KLHDC4: variants seen among roughly 807,000 people sequenced by gnomAD.
The protein encoded by KLHDC4 is kelch domain-containing protein 4.
In KLHDC4, 90 loss-of-function variants were observed where a neutral mutation model predicts 62.4. That is an observed-to-expected ratio of 1.44 (90% CI 1.22 to 1.72). KLHDC4 has a LOEUF of 1.72. Ranked by LOEUF, KLHDC4 falls within the 40% of genes most tolerant of loss-of-function variation. The probability of loss-of-function intolerance (pLI) is 0.00; values close to 1 mark genes in which losing one functional copy is unlikely to be tolerated. For synonymous variants in KLHDC4, 386 were observed against 284.4 expected (o/e 1.36, Z -3.59); for missense variants, 1,025 against 699.7 (o/e 1.47, Z -5.25).
At chr16:87,702,469 G>A (rs932441765) in exon 1 of KLHDC4, 1 of 362,740 alleles carries the variant, frequency 2.8e-6, no homozygotes, top group African/African-American at 2.1e-5. Context: ...GTCCCCAAAT[G>A]TAGCCACATC....
At chr16:87,700,767 TTGGAGGG>T (rs1014090866) in exon 1 of KLHDC4, 2 of 140,266 alleles carry the variant, frequency 1.4e-5, no homozygotes, top group African/African-American at 8.9e-5. Context: ...AGGGAGGAGA[TTGGAGGG>T]CGGAGGGAGG....
rs2046608070 is a variant in KLHDC4, at chr16:87,765,977, C to T, written c.-87G>A. Reference sequence around the variant, plus strand: ...GGAAACAGGTGCTCGTGGGGCGGAGCTCGGCGCACAGAAATGGAGTCACTT... The same window carrying T: ...GGAAACAGGTGCTCGTGGGGCGGAGTTCGGCGCACAGAAATGGAGTCACTT... On this transcript the variant is annotated 5_prime_UTR_variant, in exon 1 of 12. Transcript: ENST00000270583. 12 of 1,339,730 alleles carry T rather than the reference C, an allele frequency of 9.0e-6. No homozygotes were observed. The highest frequency in any genetic ancestry group is 1.2e-5 in the Non-Finnish European group (12 of 966,004). 83.0% of individuals were successfully genotyped at this position (1,339,730 alleles called of 1,614,324 possible). A position where few individuals can be genotyped will look rare whatever the true frequency, so the allele number is the denominator to read the frequency against.
intron 10 of KLHDC4, 108 bp downstream of exon 10, chr16:87,709,157 C>A: frequency 7.2e-7 from 1 of 1,382,814 alleles, no homozygotes; most frequent in African/African-American, 1.4e-5. Flanking sequence ...CGAGAAGTGT[C>A]GGCACAGGCC....
In KLHDC4 at chr16:87,755,273, A is replaced by G. The variant is rs2044688334; in HGVS notation, c.290T>C (p.Leu97Pro). The change falls in exon 4 of 12, where the codon CTC (leucine) becomes CCC (proline). Residue 97 changes from leucine to proline, a missense_variant. Leu to Pro is a moderately conservative substitution (Grantham distance 98, BLOSUM62 -3). Coordinates refer to ENST00000270583, the MANE Select transcript of KLHDC4 (RefSeq NM_017566.4). Reference protein sequence around the residue: ...NGQKTFLYNELYVYNTRKDTW... With the variant: ...NGQKTFLYNEPYVYNTRKDTW... ...GTCCTTTCTGGTATTGTAGACATAG[A>G]GCTCGTTATACAAAAAAGTCTACAG... is the stretch of plus-strand genomic sequence containing the variant. 2 of 1,601,766 alleles carry G rather than the reference A, an allele frequency of 1.2e-6. No individual in the cohort carries two copies. Among genetic ancestry groups the G allele is most frequent in the Non-Finnish European group, 1.7e-6 (2 of 1,169,282 alleles).
chr16:87,727,349 G>A (rs1298721073), intron 6 of KLHDC4, among the ~76,000 whole-genome samples: 1 of 152,202 alleles, frequency 6.6e-6, no homozygotes, highest in African/African-American at 2.4e-5. Context: ...ATTCCATTAG[G>A]TTATTAGGTG....
At chr16:87,707,647 C>T (rs568278906), downstream of KLHDC4, among the ~76,000 whole-genome samples, 7 of 152,218 alleles carry the variant, frequency 4.6e-5, no homozygotes, top group South Asian at 2.1e-4. Context: ...CAGCATATTC[C>T]GGGGTTTCGG....
At chr16:87,701,522 G>A (rs1161536982) in exon 1 of KLHDC4, 4 of 365,638 alleles carry the variant, frequency 1.1e-5, no homozygotes, top group Non-Finnish European at 2.2e-5. Context: ...GCCCCGTGAC[G>A]GGCACAGGCC....
chr16:87,730,074 C>T (rs2040072505), intron 6 of KLHDC4, among the ~76,000 whole-genome samples: 1 of 152,228 alleles, frequency 6.6e-6, no homozygotes, highest in Admixed American at 6.5e-5. Flanking sequence ...CTGCCTCAGC[C>T]TCCTGAGTAG....
chr16:87,749,294 A>G (rs2043527415), intron 4 of KLHDC4, among the ~76,000 whole-genome samples: 1 of 152,070 alleles, frequency 6.6e-6, no homozygotes, highest in African/African-American at 2.4e-5. Flanking sequence ...GGTGGCTCAC[A>G]CCTGTAATCC....
At chr16:87,743,528 C>T (rs2143017214) in intron 5 of KLHDC4, among the ~76,000 whole-genome samples, 1 of 151,914 alleles carries the variant, frequency 6.6e-6, no homozygotes, top group African/African-American at 2.4e-5. Flanking sequence ...TCATGAGGGT[C>T]AGGAGATCGA....
chr16:87,714,828 G>C (rs1001717438), intron 7 of KLHDC4, among the ~76,000 whole-genome samples: 5 of 152,276 alleles, frequency 3.3e-5, no homozygotes, highest in African/African-American at 1.2e-4. Flanking sequence ...GTTCCTGTCG[G>C]GGCACGCACA....
At chr16:87,759,789 T>C (rs1397829103) in intron 2 of KLHDC4, among the ~76,000 whole-genome samples, 2 of 152,136 alleles carry the variant, frequency 1.3e-5, no homozygotes, top group Non-Finnish European at 2.9e-5. Context: ...CCCTGAATCT[T>C]TTCTCACTGA....
chr16:87,765,783 C>T lies in KLHDC4; in HGVS notation c.99+9G>A, dbSNP rs79432318. ...CGTCGGGCCGCTAAGCCCGGTCTGA[C>T]CCGCTCACCTCCTCCTTCCGCGAGC... is the stretch of plus-strand genomic sequence containing the variant. On this transcript the variant is annotated intron_variant, in intron 1 of 11. Transcript: ENST00000270583. The T allele has an allele frequency of 0.032, 50,044 of 1,569,456 alleles. 975 individuals carry two copies. Among genetic ancestry groups the T allele is most frequent in the Non-Finnish European group, 0.038 (44,161 of 1,157,242 alleles).
At chr16:87,754,889 C>G (rs536765963) in intron 4 of KLHDC4, among the ~76,000 whole-genome samples, 31 of 152,300 alleles carry the variant, frequency 2.0e-4, no homozygotes, top group Non-Finnish European at 3.8e-4. Flanking sequence ...ACCATCTAGT[C>G]CAGACCGTGG....
chr16:87,698,448 GAC>G (rs1288104666), exon 1 of KLHDC4: 1 of 152,268 alleles, frequency 6.6e-6, no homozygotes, highest in Non-Finnish European at 1.5e-5. Flanking sequence ...GTAACTGCAT[GAC>G]ACAAAACGGT....
chr16:87,740,312 C>T (rs12448121), intron 5 of KLHDC4, among the ~76,000 whole-genome samples: 32,974 of 152,054 alleles, frequency 0.22, 3,630 homozygotes, highest in Middle Eastern at 0.33. Context: ...AGGGGACCAC[C>T]GGCTCCGCTC....
At chr16:87,728,464 G>C (rs1335230631) in intron 6 of KLHDC4, among the ~76,000 whole-genome samples, 2 of 151,410 alleles carry the variant, frequency 1.3e-5, no homozygotes, top group South Asian at 2.1e-4. Flanking sequence ...GTTGGTATTT[G>C]AATAATTTTA....
intron 7 of KLHDC4, among the ~76,000 whole-genome samples, chr16:87,722,263 C>A (rs1178450275): frequency 6.6e-6 from 1 of 152,304 alleles, no homozygotes; most frequent in Non-Finnish European, 1.5e-5. Context: ...GCCGGTTCTT[C>A]GTGGCAGCGC....
chr16:87,729,705 T>C (rs2039998774), intron 6 of KLHDC4, among the ~76,000 whole-genome samples: 1 of 152,244 alleles, frequency 6.6e-6, no homozygotes, highest in Non-Finnish European at 1.5e-5. Context: ...CGCAGGCCTC[T>C]TCCGGCATCG....
Sources: allele counts gnomAD v4.1 joint callset (sites outside exome capture counted in the v4.1 genomes callset), GRCh38; gene constraint gnomAD v4.1.1; transcripts MANE v1.5; gene names NCBI Gene and HGNC (gene_info 2026-07-23, HGNC 2026-07-21).